Variants in PPP3CA observed in about 807,000 individuals in gnomAD.
PPP3CA encodes the protein protein phosphatase 3 catalytic subunit alpha, also known as CAM-PRP catalytic subunit.
PPP3CA carries 14 observed loss-of-function variants against 66.5 expected under a neutral mutation model. That is an observed-to-expected ratio of 0.21 (90% CI 0.14 to 0.33). The LOEUF (loss-of-function observed/expected upper bound fraction) is 0.33. Among genes scored for constraint, PPP3CA ranks in the 10% least tolerant of loss-of-function variants. The pLI is 1.00. For synonymous variants in PPP3CA, 232 were observed against 226.2 expected (o/e 1.03, Z -0.23); for missense variants, 317 against 639.5 (o/e 0.50, Z 5.44).
At chr4:101,120,695 G>T (rs1388257849) in intron 2 of PPP3CA, among the ~76,000 whole-genome samples, 1 of 151,964 alleles carries the variant, frequency 6.6e-6, no homozygotes, top group Non-Finnish European at 1.5e-5. Flanking sequence ...TGAGAACTTA[G>T]ATTAGATTAT....
At chr4:101,161,925 A>T (rs1390720451) in intron 2 of PPP3CA, among the ~76,000 whole-genome samples, 1 of 152,136 alleles carries the variant, frequency 6.6e-6, no homozygotes, top group Non-Finnish European at 1.5e-5. Context: ...TTTTACCTTG[A>T]TAGTCCACAT....
intron 1 of PPP3CA, among the ~76,000 whole-genome samples, chr4:101,223,710 A>G (rs1489384232): frequency 1.3e-5 from 2 of 151,896 alleles, no homozygotes; most frequent in Non-Finnish European, 2.9e-5. Flanking sequence ...ATGCTTTTAT[A>G]AAATACGTAA....
chr4:101,344,929 A>G (rs1005941528), intron 1 of PPP3CA, among the ~76,000 whole-genome samples: 13 of 152,168 alleles, frequency 8.5e-5, no homozygotes, highest in Non-Finnish European at 1.6e-4. Flanking sequence ...AACTTCACAC[A>G]TTAAGGAGAT....
chr4:101,160,337 A>AT (rs1427798506), intron 2 of PPP3CA, among the ~76,000 whole-genome samples: 1 of 152,200 alleles, frequency 6.6e-6, no homozygotes, highest in East Asian at 1.9e-4. Context: ...CTTTAGGGAA[A>AT]TAACTTATCC....
chr4:101,102,473 T>C lies in PPP3CA; in HGVS notation c.385-2751A>G, dbSNP rs186962631. ...CAAGAATAAAATATCTTCCCAAACA[T>C]TGACTAAAACCACAAAGGCAGCCAA... On this transcript the variant is annotated intron_variant, in intron 3 of 13. Transcript: ENST00000394854. Among the ~76,000 whole-genome samples the C allele has an allele frequency of 6.6e-5, 10 of 152,254 alleles. No homozygotes were observed. In the South Asian group the frequency reaches 8.3e-4, roughly 13 times the overall value.
At chr4:101,256,432 G>T (rs1367502709) in intron 1 of PPP3CA, among the ~76,000 whole-genome samples, 1 of 151,930 alleles carries the variant, frequency 6.6e-6, no homozygotes, top group African/African-American at 2.4e-5. Context: ...AACATTGCTA[G>T]AAATGGTAAA....
At chr4:101,068,997 T>C (rs1728798144) in intron 8 of PPP3CA, among the ~76,000 whole-genome samples, 2 of 152,044 alleles carry the variant, frequency 1.3e-5, no homozygotes, top group African/African-American at 4.8e-5. Flanking sequence ...TAATATAGGG[T>C]CTTTCACAGG....
At position 101,032,384 on chromosome 4, in the gene PPP3CA, G is replaced by A. The variant is rs761007946; in HGVS notation, c.1242-20C>T. 1 of 1,585,870 alleles carries A rather than the reference G, an allele frequency of 6.3e-7. No homozygotes were observed. The highest frequency in any genetic ancestry group is 8.6e-7 in the Non-Finnish European group (1 of 1,157,584). Reference sequence around the variant, plus strand: ...TCTTCTCTGGAAGGCACAATGAGGGGCGACATTAACTTTTAATTTCTTTTG... The same window carrying A: ...TCTTCTCTGGAAGGCACAATGAGGGACGACATTAACTTTTAATTTCTTTTG... On this transcript the variant is annotated intron_variant, in intron 11 of 13. Coordinates refer to ENST00000394854, the MANE Select transcript of PPP3CA (RefSeq NM_000944.5).
intron 2 of PPP3CA, among the ~76,000 whole-genome samples, chr4:101,115,788 T>A (rs984667072): frequency 3.9e-5 from 6 of 151,962 alleles, no homozygotes; most frequent in African/African-American, 1.4e-4. Flanking sequence ...TGGTCCTATT[T>A]ACTTGCCTGT....
intron 1 of PPP3CA, among the ~76,000 whole-genome samples, chr4:101,243,481 A>G (rs2850951): frequency 0.11 from 16,916 of 151,930 alleles, 1,350 homozygotes; most frequent in East Asian, 0.31. Flanking sequence ...ATACATAGGG[A>G]AAAAAAACAG....
chr4:101,245,315 C>T (rs968407348), intron 1 of PPP3CA, among the ~76,000 whole-genome samples: 4 of 152,294 alleles, frequency 2.6e-5, no homozygotes, highest in African/African-American at 7.2e-5. Context: ...GCAGCACCAA[C>T]ATATTTGTAA....
intron 2 of PPP3CA, among the ~76,000 whole-genome samples, chr4:101,178,007 T>C (rs1404824107): frequency 6.6e-6 from 1 of 152,138 alleles, no homozygotes; most frequent in African/African-American, 2.4e-5. Context: ...AAGTGATATT[T>C]TTTGGTCACT....
chr4:101,321,659 G>A (rs977028659), intron 1 of PPP3CA, among the ~76,000 whole-genome samples: 2 of 152,112 alleles, frequency 1.3e-5, no homozygotes, highest in Non-Finnish European at 2.9e-5. Flanking sequence ...AACCCTTCCA[G>A]GCATACCGAG....
At chr4:101,221,683 G>A (rs1281323422) in intron 1 of PPP3CA, among the ~76,000 whole-genome samples, 3 of 151,572 alleles carry the variant, frequency 2.0e-5, no homozygotes, top group Non-Finnish European at 4.4e-5. Context: ...TGGGCACACA[G>A]AAATGTAAGG....
intron 1 of PPP3CA, among the ~76,000 whole-genome samples, chr4:101,328,496 G>A (rs1012618070): frequency 3.9e-5 from 6 of 152,118 alleles, no homozygotes; most frequent in South Asian, 2.1e-4. Flanking sequence ...TTCATGTGAC[G>A]TCTCCTTGAA....
At position 101,346,987 on chromosome 4, in the gene PPP3CA, C is replaced by A. The variant is rs1415085461; in HGVS notation, c.-191G>T. On this transcript the variant is annotated 5_prime_UTR_variant, in exon 1 of 14. Coordinates refer to ENST00000394854, the MANE Select transcript of PPP3CA (RefSeq NM_000944.5). ...TTTCCGCGCGTCCCTCCTCCGCCGC[C>A]GCCGCCTTCACTCCTCCTCCGCCGC... The A allele has an allele frequency of 4.7e-6, 3 of 639,936 alleles. No homozygotes were observed. The highest frequency in any genetic ancestry group is 8.0e-6 in the Non-Finnish European group (3 of 372,892). 39.6% of individuals were successfully genotyped at this position (639,936 alleles called of 1,614,324 possible). A position where few individuals can be genotyped will look rare whatever the true frequency, so the allele number is the denominator to read the frequency against.
At chr4:101,036,087 G>A (rs1239904107) in intron 11 of PPP3CA, among the ~76,000 whole-genome samples, 2 of 152,060 alleles carry the variant, frequency 1.3e-5, no homozygotes, top group African/African-American at 4.8e-5. Context: ...CAAAGATGTA[G>A]TACAAATATA....
At chr4:101,131,065 C>T (rs1011639271) in intron 2 of PPP3CA, among the ~76,000 whole-genome samples, 4 of 151,746 alleles carry the variant, frequency 2.6e-5, no homozygotes, top group Non-Finnish European at 4.4e-5. Flanking sequence ...GGTGAAACCC[C>T]GTCTCTACTA....
intron 1 of PPP3CA, among the ~76,000 whole-genome samples, chr4:101,337,824 C>A (rs568560916): frequency 2.0e-5 from 3 of 152,252 alleles, no homozygotes; most frequent in Non-Finnish European, 2.9e-5. Flanking sequence ...CACTATACTG[C>A]CACTCTGTTG....
Sources: gnomAD v4.1 joint callset for allele counts (sites outside exome capture counted in the v4.1 genomes callset) on GRCh38, gnomAD v4.1.1 for gene constraint, MANE v1.5 for transcripts, NCBI Gene and HGNC (gene_info 2026-07-23, HGNC 2026-07-21) for gene names.